KIAA0513: variants seen among roughly 807,000 people sequenced by gnomAD.
KIAA0513 encodes the protein uncharacterized protein KIAA0513.
In KIAA0513, 39 loss-of-function variants were observed where a neutral mutation model predicts 56.5. That is an observed-to-expected ratio of 0.69 (90% CI 0.53 to 0.90). The LOEUF is 0.90. KIAA0513 is among the 40% of genes least tolerant of loss of function. The pLI is 0.00. For synonymous variants in KIAA0513, 268 were observed against 215.6 expected (o/e 1.24, Z -2.13); for missense variants, 591 against 535.2 (o/e 1.10, Z -1.03).
chr16:85,053,042 C>T (rs1011700244), intron 1 of KIAA0513, among the ~76,000 whole-genome samples: 1 of 152,122 alleles, frequency 6.6e-6, no homozygotes, highest in African/African-American at 2.4e-5. Context: ...TGCCCACCAC[C>T]ACACCCAGCG....
chr16:85,084,895 G>A (rs553057110), intron 10 of KIAA0513, among the ~76,000 whole-genome samples: 3 of 152,192 alleles, frequency 2.0e-5, no homozygotes, highest in Non-Finnish European at 4.4e-5. Context: ...TTTTATCGTG[G>A]GCATTACCTG....
Position 85,043,261 on chromosome 16 carries a change from C to T in KIAA0513, c.-173+15403C>T, listed in dbSNP as rs542869252. Among the ~76,000 whole-genome samples the T allele has an allele frequency of 4.6e-5, 7 of 152,232 alleles. No homozygotes were observed. The South Asian group carries it at 1.5e-3, about 32-fold the overall frequency. ...CAACTGAAAGCACGAACCTGGAAAA[C>T]AAGTTCTCTTACCCAGGTACACACC... On this transcript the variant is annotated intron_variant, in intron 1 of 12. Coordinates refer to ENST00000683363, the MANE Select transcript of KIAA0513 (RefSeq NM_001388359.1).
At chr16:85,040,380 G>T (rs930765914) in intron 1 of KIAA0513, among the ~76,000 whole-genome samples, 3 of 152,096 alleles carry the variant, frequency 2.0e-5, no homozygotes, top group African/African-American at 7.2e-5. Context: ...AAACCCCACT[G>T]TTGGCTGGGC....
rs1458067712 is a variant in KIAA0513 at position 85,092,936 on chromosome 16, C to G, written c.*4611C>G. The stretch of plus-strand genomic sequence containing the variant: ...CAAGACTGTTCTCCTGCGGCCAACA[C>G]TGGCCCGGAAGCCGCCCTCCATACA... On this transcript the variant is annotated 3_prime_UTR_variant, in exon 13 of 13. Transcript: ENST00000683363. The G allele has an allele frequency of 6.6e-6, 1 of 152,324 alleles. No homozygotes were observed. The highest frequency in any genetic ancestry group is 1.5e-5 in the Non-Finnish European group (1 of 68,128). 9.4% of individuals were successfully genotyped at this position (152,324 alleles called of 1,614,324 possible).
At chr16:85,057,864 G>A (rs2073351809) in intron 1 of KIAA0513, among the ~76,000 whole-genome samples, 1 of 151,660 alleles carries the variant, frequency 6.6e-6, no homozygotes, top group Non-Finnish European at 1.5e-5. Context: ...CATTCTGTGT[G>A]GGACCTGGTG....
Position 85,066,909 on chromosome 16 carries a change from G to A in KIAA0513, c.-163G>A. ...TGTGTTTCCATTCTAGATGCCGTAG[G>A]GCCAGGTGAGCTGCTGTGAAGGACT... On this transcript the variant is annotated 5_prime_UTR_variant, in exon 2 of 13. Transcript: ENST00000683363. The A allele has an allele frequency of 1.8e-6, 1 of 556,978 alleles. No homozygotes were observed. The highest frequency in any genetic ancestry group is 3.1e-6 in the Non-Finnish European group (1 of 318,466). 34.5% of individuals were successfully genotyped at this position (556,978 alleles called of 1,614,324 possible).
intron 1 of KIAA0513, among the ~76,000 whole-genome samples, chr16:85,053,766 C>T (rs911353195): frequency 4.6e-5 from 7 of 151,942 alleles, no homozygotes; most frequent in East Asian, 1.9e-4. Flanking sequence ...GCTGAGGAGG[C>T]GCGGATCACA....
At chr16:85,086,224 C>T (rs578184792) in intron 10 of KIAA0513, among the ~76,000 whole-genome samples, 21 of 152,322 alleles carry the variant, frequency 1.4e-4, no homozygotes, top group South Asian at 8.3e-4. Context: ...CACCAAGGCC[C>T]GCTGTCCTGG....
rs555554370 is a variant in KIAA0513, at chr16:85,076,077, T to G, written c.574+163T>G. 3.6e-4 allele frequency among the ~76,000 whole-genome samples: 54 copies of G among 152,088 alleles called. No individual in the cohort carries two copies. The highest frequency in any genetic ancestry group is 3.4e-3 in the Middle Eastern group (1 of 294). On this transcript the variant is annotated intron_variant, in intron 5 of 12. Coordinates refer to ENST00000683363, the MANE Select transcript of KIAA0513 (RefSeq NM_001388359.1). The surrounding 1 kb of genome is among the most constrained non-coding windows in gnomAD (Gnocchi z 4.7). ...GAGTGAGACTTCGGAGAAAACACAG[T>G]CCGAATCATGGGGCAGGAGGTTGAC...
At chr16:85,071,009 G>T (rs1184940084) in intron 2 of KIAA0513, among the ~76,000 whole-genome samples, 1 of 152,212 alleles carries the variant, frequency 6.6e-6, no homozygotes, top group African/African-American at 2.4e-5. Context: ...GGACCAAGAT[G>T]TTTTCTACAA....
rs2073898193 is a variant in KIAA0513, at chr16:85,094,091, G to A, written c.*5766G>A. On this transcript the variant is annotated 3_prime_UTR_variant, in exon 13 of 13. Coordinates refer to ENST00000683363, the MANE Select transcript of KIAA0513 (RefSeq NM_001388359.1). ...TGATGTTCTACAAACTCTGTTTTAA[G>A]GTTGAGAAAGTTTCAAGGGTGAAGA... The A allele has an allele frequency of 6.6e-6, 1 of 152,166 alleles. No individual in the cohort carries two copies. The highest frequency in any genetic ancestry group is 2.4e-5 in the African/African-American group (1 of 41,424). 9.4% of individuals were successfully genotyped at this position (152,166 alleles called of 1,614,324 possible).
intron 5 of KIAA0513, 90 bp from the exon 6 acceptor site, chr16:85,077,335 G>T: frequency 8.1e-7 from 1 of 1,239,348 alleles, no homozygotes; most frequent in Non-Finnish European, 1.1e-6. Context: ...CACTGCACAG[G>T]ACCCCTGCGG....
At chr16:85,047,834 TG>T (rs577581204) in intron 1 of KIAA0513, among the ~76,000 whole-genome samples, 21 of 152,302 alleles carry the variant, frequency 1.4e-4, no homozygotes, top group Non-Finnish European at 2.8e-4. Flanking sequence ...GTCAGGGACA[TG>T]GCAAACTCAC....
chr16:85,078,488 C>A, intron 7 of KIAA0513, 33 bp downstream of exon 7: 2 of 1,603,368 alleles, frequency 1.2e-6, no homozygotes, highest in South Asian at 2.2e-5. Context: ...AGGAGACGCC[C>A]AGCCCACAGC....
chr16:85,028,084 A>T (rs905447504), intron 1 of KIAA0513, among the ~76,000 whole-genome samples: 1 of 151,854 alleles, frequency 6.6e-6, no homozygotes, highest in Non-Finnish European at 1.5e-5. Context: ...GCCTGCTGGG[A>T]GGCAAAGGGA....
chr16:85,030,675 C>A (rs755508189), intron 1 of KIAA0513, among the ~76,000 whole-genome samples: 2 of 149,846 alleles, frequency 1.3e-5, no homozygotes, highest in East Asian at 3.9e-4. Context: ...ACCCAGGAGG[C>A]GGAGGTTGCA....
rs746792328 is a variant in KIAA0513 at position 85,072,972 on chromosome 16, G to C, written c.477G>C (p.Val159=). The change falls in exon 4 of 13, where the codon GTG becomes GTC. Residue 159 remains valine, a synonymous_variant. Transcript: ENST00000683363. ...CAGAGGCAACCTTCTACCGCCTGGT[G>C]CAGTCTTTTGCAGTGGTGCTGTTCG... ...CVSEATFYRL[V]QSFAVVLFEC... 2 of 1,614,148 alleles carry C rather than the reference G, an allele frequency of 1.2e-6. No homozygotes were observed. The highest frequency in any genetic ancestry group is 2.2e-5 in the South Asian group (2 of 91,082).
At chr16:85,029,337 T>C (rs2072931447) in intron 1 of KIAA0513, among the ~76,000 whole-genome samples, 1 of 152,230 alleles carries the variant, frequency 6.6e-6, no homozygotes, top group African/African-American at 2.4e-5. Flanking sequence ...GTTTGCCTTT[T>C]GTATGGGATG....
chr16:85,077,683 T>A (rs1406102664), intron 6 of KIAA0513, 51 bp downstream of exon 6: 1 of 1,422,208 alleles, frequency 7.0e-7, no homozygotes, highest in East Asian at 2.3e-5. Flanking sequence ...GGGGAGAGGC[T>A]GGTGTGGAGC....
Sources: allele counts gnomAD v4.1 joint callset (sites outside exome capture counted in the v4.1 genomes callset), GRCh38; gene constraint gnomAD v4.1.1; non-coding constraint Gnocchi (gnomAD v3.1); transcripts MANE v1.5; gene names NCBI Gene and HGNC (gene_info 2026-07-23, HGNC 2026-07-21).